The following TTC28 variants were observed in gnomAD, a reference collection of about 807,000 sequenced individuals.
TTC28 encodes tetratricopeptide repeat domain 28.
A neutral mutation model predicts 198.0 loss-of-function variants in TTC28; 61 were observed. The observed-to-expected ratio is 0.31, with a 90% CI of 0.25 to 0.38. The LOEUF (loss-of-function observed/expected upper bound fraction) is 0.38, where lower values mean the gene tolerates loss of function less well. Ranked by LOEUF, TTC28 falls within the 10% of genes least tolerant of loss-of-function variation. TTC28 has a pLI of 1.00. For missense variants in TTC28, 2,678 were observed against 3,164.0 expected, an observed-to-expected ratio of 0.85 and a Z score of 3.69; for synonymous variants, 1,171 against 1,297.8, an observed-to-expected ratio of 0.90 and a Z score of 2.10.
intron 12 of TTC28, among the ~76,000 whole-genome samples, chr22:28,068,375 G>A (rs969593144): frequency 2.0e-5 from 3 of 152,096 alleles, no homozygotes; most frequent in South Asian, 2.1e-4. Flanking sequence ...AAGGACTACC[G>A]TAAGAATTAA....
At chr22:28,257,648 G>C (rs1214449859) in intron 5 of TTC28, among the ~76,000 whole-genome samples, 1 of 146,520 alleles carries the variant, frequency 6.8e-6, no homozygotes, top group African/African-American at 2.5e-5. Flanking sequence ...GGGGAAAAAA[G>C]AATATAAATA....
chr22:28,475,286 A>G (rs909643020), intron 2 of TTC28, among the ~76,000 whole-genome samples: 1 of 152,134 alleles, frequency 6.6e-6, no homozygotes, highest in Non-Finnish European at 1.5e-5. Context: ...CTAAGGTCAC[A>G]AGGCAGGAAA....
At chr22:28,611,230 G>C (rs1229559382) in intron 2 of TTC28, among the ~76,000 whole-genome samples, 1 of 152,106 alleles carries the variant, frequency 6.6e-6, no homozygotes, top group Non-Finnish European at 1.5e-5. Flanking sequence ...CTAAGACACT[G>C]CTCGAGAAGA....
chr22:28,442,816 G>A (rs993027275), intron 2 of TTC28: 1 of 152,556 alleles, frequency 6.6e-6, no homozygotes, highest in Non-Finnish European at 1.5e-5. Context: ...GAGACCTGAA[G>A]GTAACCGCCC....
chr22:28,331,724 G>A (rs557322432), intron 2 of TTC28, among the ~76,000 whole-genome samples: 1 of 151,840 alleles, frequency 6.6e-6, no homozygotes, highest in Non-Finnish European at 1.5e-5. Flanking sequence ...CTCCCTTCTT[G>A]CCTTCAATGC....
At position 28,411,262 on chromosome 22, in the gene TTC28, ATAAC is replaced by A. The variant is rs1569311142; in HGVS notation, c.382-104623_382-104620del. Reference sequence around the variant, plus strand: ...TTGTCAAGTCCAGCTTTCAGAGTGAATAACAGAAACACTTGGAGATCCTAGCTAT... The same window carrying A: ...TTGTCAAGTCCAGCTTTCAGAGTGAAAGAAACACTTGGAGATCCTAGCTAT... On this transcript the variant is annotated intron_variant, in intron 2 of 22. Transcript: ENST00000397906. Among the ~76,000 whole-genome samples the A allele has an allele frequency of 2.0e-5, 3 of 152,304 alleles. No individual in the cohort carries two copies. The East Asian group carries it at 5.8e-4, about 29-fold the overall frequency.
chr22:28,117,101 G>T (rs949796560), intron 6 of TTC28, among the ~76,000 whole-genome samples: 2 of 152,226 alleles, frequency 1.3e-5, no homozygotes, highest in Non-Finnish European at 2.9e-5. Flanking sequence ...AATGAGAAAT[G>T]ATTGTGTTAC....
intron 2 of TTC28, among the ~76,000 whole-genome samples, chr22:28,386,283 A>AAG: frequency 8.2e-6 from 1 of 121,920 alleles, no homozygotes; most frequent in Non-Finnish European, 1.6e-5. Flanking sequence ...TCAAAAAAAA[A>AAG]AAAAAAAAAA....
chr22:28,531,558 T>C (rs557315802), intron 2 of TTC28, among the ~76,000 whole-genome samples: 22 of 152,180 alleles, frequency 1.4e-4, no homozygotes, highest in African/African-American at 5.3e-4. Flanking sequence ...ACCAAGCGGA[T>C]CTAATAGACA....
chr22:28,444,363 C>T (rs1601406327), intron 2 of TTC28, among the ~76,000 whole-genome samples: 2 of 152,236 alleles, frequency 1.3e-5, no homozygotes, highest in South Asian at 4.2e-4. Context: ...AGATTATATG[C>T]AGATTGATCA....
rs1601408962 is a variant in TTC28, at chr22:28,163,209, G to A, written c.1324C>T (p.His442Tyr). Residue 442 changes from histidine (H) to tyrosine (Y), a missense_variant, in exon 6 of 23, where the codon CAT (histidine) becomes TAT (tyrosine). His to Tyr is a moderately conservative substitution (Grantham distance 83). Around this residue, in one of 8 missense-constraint regions of TTC28, gnomAD observed 775 missense variants for 845.9 expected, o/e 0.92. Coordinates refer to ENST00000397906, the MANE Select transcript of TTC28 (RefSeq NM_001145418.2). ...AAATCCTGCATGCACCTGGCAGCAT[G>A]GCCTAGTCCAGCATAGGCCCGCATC... ...IEMRAYAGLG[H>Y]AARCMQDLER... 19 of 1,551,700 alleles carry A rather than the reference G, an allele frequency of 1.2e-5. No individual in the cohort carries two copies. Among genetic ancestry groups the A allele is most frequent in the Non-Finnish European group, 1.6e-5 (18 of 1,147,016 alleles).
At position 28,100,040 on chromosome 22, in the gene TTC28, C is replaced by G. The variant is rs1942098188; in HGVS notation, c.3418-996G>C. Among the ~76,000 whole-genome samples the G allele has an allele frequency of 3.9e-5, 6 of 152,256 alleles. No homozygotes were observed. The South Asian group carries it at 1.2e-3, about 31-fold the overall frequency. On this transcript the variant is annotated intron_variant, in intron 9 of 22. Transcript: ENST00000397906. ...CAGGCTCCTCCATCAGTGAGGCCAT[C>G]AGACTTTTCTGACTCTGATATTTTC...
intron 5 of TTC28, among the ~76,000 whole-genome samples, chr22:28,289,452 T>C (rs895616592): frequency 2.0e-5 from 3 of 152,108 alleles, no homozygotes; most frequent in Non-Finnish European, 4.4e-5. Flanking sequence ...TTTGAAGCCA[T>C]TAAAGTAGAC....
chr22:28,271,484 C>T (rs1447948890), intron 5 of TTC28, among the ~76,000 whole-genome samples: 2 of 152,156 alleles, frequency 1.3e-5, no homozygotes, highest in African/African-American at 4.8e-5. Flanking sequence ...CCACCCAAAT[C>T]TCATCTTGAA....
At chr22:28,417,009 C>T (rs1361416677) in intron 2 of TTC28, among the ~76,000 whole-genome samples, 1 of 151,988 alleles carries the variant, frequency 6.6e-6, no homozygotes, top group Non-Finnish European at 1.5e-5. Context: ...TATTTTTTCC[C>T]AATTTAGACA....
chr22:28,630,438 G>C (rs1485946049), intron 1 of TTC28, among the ~76,000 whole-genome samples: 1 of 152,142 alleles, frequency 6.6e-6, no homozygotes, highest in African/African-American at 2.4e-5. Context: ...GTTGGAAGCA[G>C]AGGCACATGC....
chr22:28,674,011 C>T (rs373619992), intron 1 of TTC28, among the ~76,000 whole-genome samples: 2 of 152,064 alleles, frequency 1.3e-5, no homozygotes, highest in African/African-American at 4.8e-5. Flanking sequence ...AAAAACAGCA[C>T]ACAAAACAAG....
chr22:28,613,602 T>C (rs952066793), intron 2 of TTC28, among the ~76,000 whole-genome samples: 4 of 152,164 alleles, frequency 2.6e-5, no homozygotes, highest in East Asian at 1.9e-4. Context: ...TTATCCACCA[T>C]GATCAAGTGG....
At chr22:28,378,253 T>G in intron 2 of TTC28, among the ~76,000 whole-genome samples, 1 of 144,570 alleles carries the variant, frequency 6.9e-6, no homozygotes, top group East Asian at 2.1e-4. Flanking sequence ...GGCTGAGGCA[T>G]GAGAATAGCT....
Sources: gnomAD v4.1 joint callset for allele counts (sites outside exome capture counted in the v4.1 genomes callset) on GRCh38, gnomAD v4.1.1 for gene constraint, gnomAD v4.1.1 regional missense constraint, MANE v1.5 for transcripts, NCBI Gene and HGNC (gene_info 2026-07-23, HGNC 2026-07-21) for gene names.